MBNL3: variants seen among roughly 807,000 people sequenced by gnomAD.
MBNL3 encodes muscleblind like splicing regulator 3.
Under a neutral mutation model 24.5 loss-of-function variants are expected in MBNL3, and 6 were observed. The observed-to-expected ratio is 0.25, with a 90% CI of 0.13 to 0.48. MBNL3 has a LOEUF of 0.48. Among genes scored for constraint, MBNL3 ranks in the 20% least tolerant of loss-of-function variants. The probability of loss-of-function intolerance (pLI) is 0.99; values close to 1 mark genes in which losing one functional copy is unlikely to be tolerated. For synonymous variants in MBNL3, 100 were observed against 101.7 expected (o/e 0.98, Z 0.10); for missense variants, 230 against 293.5 (o/e 0.78, Z 1.58).
intron 1 of MBNL3, among the ~76,000 whole-genome samples, chrX:132,486,793 A>G (rs1020056361): frequency 8.9e-6 from 1 of 112,063 alleles, no homozygotes; most frequent in Admixed American, 9.4e-5. Flanking sequence ...TCATAATCAT[A>G]AAAAGCAGCT....
chrX:132,439,292 T>C (rs766179778), intron 2 of MBNL3, 143 bp downstream of exon 2: 51 of 644,820 alleles, frequency 7.9e-5, no homozygotes, highest in Non-Finnish European at 1.1e-4. Context: ...AGACCTTCTA[T>C]CTTGACATTC....
At chrX:132,381,465 A>AGTTTCTT (rs775885456) in intron 8 of MBNL3, 1 of 917,246 alleles carries the variant, frequency 1.1e-6, no homozygotes, top group Admixed American at 2.6e-5. Context: ...AGATTAAAAT[A>AGTTTCTT]GTTTCTTGGG....
At chrX:132,443,181 T>A (rs1313373075) in intron 1 of MBNL3, among the ~76,000 whole-genome samples, 2 of 112,054 alleles carry the variant, frequency 1.8e-5, no homozygotes, top group Non-Finnish European at 3.8e-5. Context: ...TTCATTGATG[T>A]TTCGATCTCT....
intron 1 of MBNL3, among the ~76,000 whole-genome samples, chrX:132,448,103 A>T (rs1945835176): frequency 1.8e-5 from 2 of 112,081 alleles, no homozygotes; most frequent in South Asian, 7.4e-4. Flanking sequence ...GATGAAGCCG[A>T]CTTGATCATG....
chrX:132,459,471 C>G (rs931023845), intron 1 of MBNL3, among the ~76,000 whole-genome samples: 1 of 111,271 alleles, frequency 9.0e-6, no homozygotes, highest in Admixed American at 9.6e-5. Flanking sequence ...ACTTATTCTG[C>G]GAGAGCCAGC....
intron 3 of MBNL3, among the ~76,000 whole-genome samples, chrX:132,398,080 C>G (rs944257798): frequency 9.0e-6 from 1 of 111,327 alleles, no homozygotes; most frequent in African/African-American, 3.3e-5. Context: ...CTCACCTAGA[C>G]CTGGATTTTC....
chrX:132,394,969 C>G (rs900624210), intron 3 of MBNL3, among the ~76,000 whole-genome samples: 1 of 112,156 alleles, frequency 8.9e-6, no homozygotes, highest in African/African-American at 3.2e-5. Context: ...TCACCACAAA[C>G]TATGCTATCT....
chrX:132,415,700 T>G (rs191455658), intron 2 of MBNL3, among the ~76,000 whole-genome samples: 1 of 111,454 alleles, frequency 9.0e-6, no homozygotes, highest in Non-Finnish European at 1.9e-5. Context: ...CCCAATGAGG[T>G]CAAATGTCTC....
chrX:132,427,217 C>G (rs779379022), intron 2 of MBNL3, among the ~76,000 whole-genome samples: 1 of 111,923 alleles, frequency 8.9e-6, no homozygotes, highest in Non-Finnish European at 1.9e-5. Flanking sequence ...TCCAAAACTA[C>G]TTCTCAGGCT....
intron 8 of MBNL3, 45 bp from the exon 9 acceptor site, chrX:132,379,722 G>T: frequency 9.4e-7 from 1 of 1,063,696 alleles, no homozygotes; most frequent in Non-Finnish European, 1.3e-6. Context: ...GAGAAATATT[G>T]AAAGGTTATT....
intron 2 of MBNL3, among the ~76,000 whole-genome samples, chrX:132,419,162 T>G (rs1375331160): frequency 1.8e-5 from 2 of 112,810 alleles, no homozygotes; most frequent in Admixed American, 1.9e-4. Context: ...CACAGCTTTT[T>G]AGTAAATGTT....
chrX:132,386,088 T>A (rs971641154), intron 6 of MBNL3, among the ~76,000 whole-genome samples: 43 of 111,925 alleles, frequency 3.8e-4, no homozygotes, highest in Admixed American at 6.6e-4. Flanking sequence ...AAACAGGCTA[T>A]TAAATATAGC....
intron 1 of MBNL3, among the ~76,000 whole-genome samples, chrX:132,450,443 G>A (rs974717160): frequency 9.0e-6 from 1 of 110,956 alleles, no homozygotes; most frequent in Admixed American, 9.6e-5. Flanking sequence ...CCTTTCTTCT[G>A]CCTGATCAAT....
chrX:132,424,418 A>G (rs1344787111), intron 2 of MBNL3, among the ~76,000 whole-genome samples: 1 of 111,622 alleles, frequency 9.0e-6, no homozygotes. Flanking sequence ...CTAGTGGTGC[A>G]TGTTTAGTGG....
chrX:132,433,682 T>C (rs749597409), intron 2 of MBNL3, among the ~76,000 whole-genome samples: 73 of 112,207 alleles, frequency 6.5e-4, no homozygotes, highest in Non-Finnish European at 1.1e-3. Context: ...TGTCAACCTT[T>C]CCAGCTCCTG....
intron 2 of MBNL3, among the ~76,000 whole-genome samples, chrX:132,410,151 CCAAATT>C (rs768511871): frequency 3.6e-5 from 4 of 111,875 alleles, no homozygotes; most frequent in Admixed American, 9.5e-5. Flanking sequence ...ATAAAGCCTC[CCAAATT>C]CAATCTATTG....
intron 1 of MBNL3, among the ~76,000 whole-genome samples, chrX:132,456,173 C>A (rs1167324344): frequency 2.7e-5 from 3 of 112,234 alleles, no homozygotes; most frequent in African/African-American, 9.7e-5. Context: ...TTTGTCCTCT[C>A]TTTTTCCTGT....
intron 3 of MBNL3, among the ~76,000 whole-genome samples, chrX:132,399,501 A>C (rs1940475071): frequency 9.0e-6 from 1 of 110,870 alleles, no homozygotes; most frequent in Admixed American, 9.6e-5. Flanking sequence ...TATAAAAAGT[A>C]ATTTTTTATA....
Position 132,379,692 on chromosome X carries a change from AAAAG to A in MBNL3, c.1054-19_1054-16del, listed in dbSNP as rs771416099. The A allele has an allele frequency of 5.0e-5, 57 of 1,145,276 alleles. No homozygotes were observed. Among genetic ancestry groups the A allele is most frequent in the South Asian group, 2.0e-4 (11 of 54,251 alleles). The allele number at this position is 1,145,276 out of a possible 1,213,427, so 94.4% of individuals were successfully genotyped here. On this transcript the variant is annotated splice_polypyrimidine_tract_variant and intron_variant, in intron 8 of 8. Transcript: ENST00000370853. The stretch of plus-strand genomic sequence containing the variant: ...CAGAATTTCAGCTGAAATGGAAAAA[AAAAG>A]AAAGAAAGAAAGAGTGAGAAATATT...
Sources: gnomAD v4.1 joint callset for allele counts (sites outside exome capture counted in the v4.1 genomes callset) on GRCh38, gnomAD v4.1.1 for gene constraint, MANE v1.5 for transcripts, NCBI Gene and HGNC (gene_info 2026-07-23, HGNC 2026-07-21) for gene names.